The following KAZN variants were observed in gnomAD, a reference collection of about 807,000 sequenced individuals.
KAZN encodes kazrin.
Under a neutral mutation model 87.4 loss-of-function variants are expected in KAZN, and 40 were observed. The ratio of observed to expected loss-of-function variants is 0.46; its 90% CI spans 0.36 to 0.60. The LOEUF is 0.60. Ranked by LOEUF, KAZN falls within the 20% of genes least tolerant of loss-of-function variation. KAZN has a pLI of 0.00. For missense variants in KAZN, 898 were observed against 1,073.9 expected (o/e 0.84, Z 2.29); for synonymous variants, 466 against 458.3 (o/e 1.02, Z -0.22).
At chr1:14,160,118 C>A (rs924339821) in intron 1 of KAZN, among the ~76,000 whole-genome samples, 9 of 152,184 alleles carry the variant, frequency 5.9e-5, no homozygotes, top group African/African-American at 2.2e-4. Context: ...GTCTCTGGGC[C>A]CAGTTCAGCA....
chr1:14,643,847 A>C (rs1362678393), intron 1 of KAZN, among the ~76,000 whole-genome samples: 1 of 152,062 alleles, frequency 6.6e-6, no homozygotes, highest in Non-Finnish European at 1.5e-5. Flanking sequence ...TTTACTTTTT[A>C]ATAAATAGCC....
intron 1 of KAZN, among the ~76,000 whole-genome samples, chr1:14,863,390 G>T (rs1651094101): frequency 1.3e-5 from 2 of 152,184 alleles, no homozygotes; most frequent in Admixed American, 1.3e-4. Context: ...TGTGTTGGGG[G>T]ATGAATGTGA....
chr1:14,764,867 A>G (rs1268655170), intron 1 of KAZN, among the ~76,000 whole-genome samples: 1 of 152,142 alleles, frequency 6.6e-6, no homozygotes, highest in Non-Finnish European at 1.5e-5. Context: ...ATGATCTTCA[A>G]TCCCCACAAG....
At chr1:14,137,271 G>A (rs1402386271) in intron 1 of KAZN, among the ~76,000 whole-genome samples, 1 of 152,164 alleles carries the variant, frequency 6.6e-6, no homozygotes, top group Non-Finnish European at 1.5e-5. Context: ...GGTCTTCAAA[G>A]CAACACCACT....
intron 2 of KAZN, among the ~76,000 whole-genome samples, chr1:14,419,637 C>T (rs927498138): frequency 2.6e-5 from 4 of 152,194 alleles, no homozygotes; most frequent in Admixed American, 2.0e-4. Context: ...GAGTTTGTTC[C>T]TTCTGATTTT....
At chr1:14,022,067 T>TA (rs1553186020) in intron 1 of KAZN, among the ~76,000 whole-genome samples, 1 of 147,150 alleles carries the variant, frequency 6.8e-6, no homozygotes, top group Non-Finnish European at 1.5e-5. Flanking sequence ...CCGTCCCGGG[T>TA]AAATAAAGAA....
chr1:14,394,369 T>A (rs532961095), intron 2 of KAZN, among the ~76,000 whole-genome samples: 19 of 152,302 alleles, frequency 1.2e-4, no homozygotes, highest in Middle Eastern at 3.4e-3. Context: ...AGATTGCCAA[T>A]AAATAAATAA....
intron 2 of KAZN, among the ~76,000 whole-genome samples, chr1:15,025,319 C>A (rs563499467): frequency 6.6e-6 from 1 of 152,208 alleles, no homozygotes; most frequent in Non-Finnish European, 1.5e-5. Flanking sequence ...TGAATAGACT[C>A]ATTTTCTACC....
intron 1 of KAZN, among the ~76,000 whole-genome samples, chr1:14,888,323 G>A (rs1654330263): frequency 6.6e-6 from 1 of 152,064 alleles, no homozygotes; most frequent in African/African-American, 2.4e-5. Context: ...CCAAGGCTGG[G>A]GTGTCCCCAC....
intron 1 of KAZN, among the ~76,000 whole-genome samples, chr1:14,175,270 A>AT (rs1403235149): frequency 6.6e-6 from 1 of 151,988 alleles, no homozygotes; most frequent in Non-Finnish European, 1.5e-5. Flanking sequence ...CGCCTGGCTG[A>AT]TTTTTTGTAT....
rs539670086 is a variant in KAZN, at chr1:14,987,758, G to C, written c.418+26883G>C. On this transcript the variant is annotated intron_variant, in intron 2 of 14. Transcript: ENST00000376030. Reference sequence around the variant, plus strand: ...TTTGGATTTTGTGATCCACGTGGAAGGATGCGGGGAAGCCACTTGATCGGA... The same window carrying C: ...TTTGGATTTTGTGATCCACGTGGAACGATGCGGGGAAGCCACTTGATCGGA... Among the ~76,000 whole-genome samples the C allele has an allele frequency of 2.6e-5, 4 of 152,338 alleles. No homozygotes were observed. The East Asian group carries it at 7.7e-4, about 29-fold the overall frequency.
intron 1 of KAZN, among the ~76,000 whole-genome samples, chr1:14,948,637 A>G (rs976864544): frequency 7.2e-5 from 11 of 152,188 alleles, no homozygotes; most frequent in Admixed American, 6.5e-5. Context: ...CCAGACAGAA[A>G]CGTCTGCTGC....
chr1:14,290,384 C>A (rs889062831), intron 2 of KAZN, among the ~76,000 whole-genome samples: 1 of 152,090 alleles, frequency 6.6e-6, no homozygotes, highest in African/African-American at 2.4e-5. Flanking sequence ...TCTTTTTATT[C>A]TTTTTTCTCT....
intron 2 of KAZN, among the ~76,000 whole-genome samples, chr1:14,259,212 G>C (rs993877042): frequency 1.3e-5 from 2 of 152,136 alleles, no homozygotes; most frequent in Non-Finnish European, 2.9e-5. Context: ...CGGATTCAGA[G>C]AGTATGCTGG....
intron 1 of KAZN, among the ~76,000 whole-genome samples, chr1:13,991,445 A>G (rs545706655): frequency 1.6e-4 from 23 of 147,050 alleles, no homozygotes; most frequent in African/African-American, 5.6e-4. Context: ...ATGATAATAA[A>G]AAAAGGGGAA....
At chr1:14,962,573 C>T (rs114099158) in intron 2 of KAZN, among the ~76,000 whole-genome samples, 71 of 152,312 alleles carry the variant, frequency 4.7e-4, no homozygotes, top group African/African-American at 1.6e-3. Context: ...ACCCAAGTCT[C>T]GGGAATCTCC....
At chr1:14,950,767 T>C (rs1662385100) in intron 1 of KAZN, among the ~76,000 whole-genome samples, 1 of 151,996 alleles carries the variant, frequency 6.6e-6, no homozygotes, top group South Asian at 2.1e-4. Context: ...GACACTGAGG[T>C]TCTGTGACCT....
At chr1:14,427,523 C>T (rs528697986) in intron 2 of KAZN, among the ~76,000 whole-genome samples, 1 of 152,058 alleles carries the variant, frequency 6.6e-6, no homozygotes, top group East Asian at 1.9e-4. Flanking sequence ...AACACACACA[C>T]ACACACACAC....
chr1:15,012,661 C>T (rs926847985), intron 2 of KAZN, among the ~76,000 whole-genome samples: 3 of 152,218 alleles, frequency 2.0e-5, no homozygotes, highest in African/African-American at 7.2e-5. Context: ...GTTGCTCACG[C>T]CTGTAATCCC....
Sources: allele counts gnomAD v4.1 joint callset (sites outside exome capture counted in the v4.1 genomes callset), GRCh38; gene constraint gnomAD v4.1.1; transcripts MANE v1.5; gene names NCBI Gene and HGNC (gene_info 2026-07-23, HGNC 2026-07-21).